The following MYT1L variants were observed in gnomAD, a reference collection of about 807,000 sequenced individuals.
MYT1L encodes the protein myelin transcription factor 1 like.
A neutral mutation model predicts 126.7 loss-of-function variants in MYT1L; 12 were observed. That is an observed-to-expected ratio of 0.09 (90% CI 0.06 to 0.15). MYT1L has a LOEUF of 0.15. Ranked by LOEUF, MYT1L falls within the 10% of genes least tolerant of loss-of-function variation. MYT1L has a pLI of 1.00. For synonymous variants in MYT1L, 541 were observed against 604.2 expected (o/e 0.90, Z 1.53); for missense variants, 979 against 1,585.2 (o/e 0.62, Z 6.49).
chr2:2,277,925 A>G (rs902227129), intron 2 of MYT1L, among the ~76,000 whole-genome samples: 6 of 152,230 alleles, frequency 3.9e-5, no homozygotes, highest in Non-Finnish European at 7.3e-5. Flanking sequence ...TTCTTTGAAT[A>G]TCTTTAGAAA....
chr2:2,165,267 C>T (rs567190923), intron 3 of MYT1L, among the ~76,000 whole-genome samples: 6 of 152,040 alleles, frequency 3.9e-5, no homozygotes, highest in African/African-American at 7.2e-5. Flanking sequence ...ACACCAAGTA[C>T]GGGTGGGGTA....
intron 3 of MYT1L, among the ~76,000 whole-genome samples, chr2:2,146,854 A>G (rs2084957083): frequency 1.3e-5 from 2 of 152,294 alleles, no homozygotes; most frequent in Admixed American, 1.3e-4. Flanking sequence ...AACTCCAGGC[A>G]ATGTCTTGTG....
intron 3 of MYT1L, among the ~76,000 whole-genome samples, chr2:2,171,730 T>A (rs983564284): frequency 6.6e-6 from 1 of 152,064 alleles, no homozygotes. Flanking sequence ...GGAAAATGAA[T>A]AGGGTATAGA....
At chr2:2,295,066 T>G (rs149889035) in intron 1 of MYT1L, among the ~76,000 whole-genome samples, 8 of 152,220 alleles carry the variant, frequency 5.3e-5, no homozygotes, top group Non-Finnish European at 1.2e-4. Flanking sequence ...TTAGGAGAGA[T>G]GCTGGATGGT....
At chr2:2,039,762 T>C (rs1003591946) in intron 4 of MYT1L, among the ~76,000 whole-genome samples, 17 of 152,190 alleles carry the variant, frequency 1.1e-4, no homozygotes, top group South Asian at 2.1e-4. Context: ...AGCCCGCTCA[T>C]GCTTCCTCCA....
intron 3 of MYT1L, among the ~76,000 whole-genome samples, chr2:2,136,500 C>A (rs1037316264): frequency 2.0e-5 from 3 of 152,190 alleles, no homozygotes; most frequent in Admixed American, 2.0e-4. Context: ...TTATTTCTCT[C>A]CCTTCCCTCG....
intron 3 of MYT1L, among the ~76,000 whole-genome samples, chr2:2,102,604 ATG>A (rs3047992): frequency 0.16 from 22,405 of 142,634 alleles, 1,692 homozygotes; most frequent in Admixed American, 0.2. Flanking sequence ...CCTCTTGGGA[ATG>A]TGTGTGTGTG....
intron 2 of MYT1L, among the ~76,000 whole-genome samples, chr2:2,195,540 G>C (rs1191666639): frequency 2.0e-5 from 3 of 152,092 alleles, no homozygotes; most frequent in Non-Finnish European, 4.4e-5. Flanking sequence ...TGAAATTCAA[G>C]CAAAATGAAA....
chr2:1,846,509 G>A lies in MYT1L; in HGVS notation c.2774+5132C>T, dbSNP rs570339205. The stretch of plus-strand genomic sequence containing the variant: ...GTTCTCTGGGGGAGGGAAAGGCTGG[G>A]GGTGAGCACACGGACAGAGCATACG... On this transcript the variant is annotated intron_variant, in intron 19 of 24. Coordinates refer to ENST00000647738, the MANE Select transcript of MYT1L (RefSeq NM_001303052.2). Among the ~76,000 whole-genome samples, 4 of 152,288 alleles carry A rather than the reference G, an allele frequency of 2.6e-5. No homozygotes were observed. In the South Asian group the frequency reaches 8.3e-4, roughly 32 times the overall value.
intron 1 of MYT1L, among the ~76,000 whole-genome samples, chr2:2,311,202 C>G (rs900395091): frequency 2.0e-5 from 3 of 152,166 alleles, no homozygotes; most frequent in Non-Finnish European, 4.4e-5. Flanking sequence ...ACATAAGAGT[C>G]AGAAAAGGAG....
intron 2 of MYT1L, among the ~76,000 whole-genome samples, chr2:2,180,998 G>C (rs1222269720): frequency 6.6e-6 from 1 of 151,440 alleles, no homozygotes; most frequent in Non-Finnish European, 1.5e-5. Flanking sequence ...GTGTGCTTGT[G>C]TATGTACCTG....
At chr2:1,809,032 G>T (rs753746636) in intron 22 of MYT1L, 44 bp downstream of exon 22, 1 of 1,578,756 alleles carries the variant, frequency 6.3e-7, no homozygotes. Flanking sequence ...TGCCCGCTGG[G>T]CCTTCCTGAC....
intron 8 of MYT1L, among the ~76,000 whole-genome samples, chr2:1,968,222 T>C (rs1481561591): frequency 6.6e-6 from 1 of 152,166 alleles, no homozygotes; most frequent in East Asian, 1.9e-4. Context: ...TGACGATAAA[T>C]GCAGCCATTA....
intron 3 of MYT1L, among the ~76,000 whole-genome samples, chr2:2,088,942 C>T (rs1175604215): frequency 6.6e-6 from 1 of 150,500 alleles, no homozygotes; most frequent in Non-Finnish European, 1.5e-5. Context: ...CTGCTTTTTG[C>T]TTTTTTAAAA....
At chr2:2,122,365 C>T (rs1383732758) in intron 3 of MYT1L, among the ~76,000 whole-genome samples, 2 of 152,136 alleles carry the variant, frequency 1.3e-5, no homozygotes, top group Non-Finnish European at 2.9e-5. Flanking sequence ...CTGATGGATA[C>T]GAGGTGCTCA....
intron 18 of MYT1L, among the ~76,000 whole-genome samples, chr2:1,876,489 C>G (rs886550761): frequency 6.6e-6 from 1 of 152,138 alleles, no homozygotes; most frequent in South Asian, 2.1e-4. Flanking sequence ...CCCTGACCCC[C>G]CCGTCCATCT....
intron 3 of MYT1L, among the ~76,000 whole-genome samples, chr2:2,123,535 G>C (rs957283728): frequency 2.0e-5 from 3 of 152,062 alleles, no homozygotes; most frequent in African/African-American, 7.2e-5. Flanking sequence ...GCAAGACCTG[G>C]TTGTTTAAAA....
At position 1,790,824 on chromosome 2, in the gene MYT1L, A is replaced by G. The variant is rs1437308613; in HGVS notation, c.*1043T>C. ...AATGTAAAATAAGAAGGTTCATAAC[A>G]ATAATAGGAATAATCATAATTTTTT... is the stretch of plus-strand genomic sequence containing the variant. On this transcript the variant is annotated 3_prime_UTR_variant, in exon 25 of 25. Transcript: ENST00000647738. 3 of 159,550 alleles carry G rather than the reference A, an allele frequency of 1.9e-5. No homozygotes were observed. The highest frequency in any genetic ancestry group is 7.2e-5 in the African/African-American group (3 of 41,538). The allele number at this position is 159,550 out of a possible 1,614,324, so 9.9% of individuals were successfully genotyped here.
chr2:1,978,579 C>G (rs1337599627), intron 8 of MYT1L, among the ~76,000 whole-genome samples: 1 of 152,168 alleles, frequency 6.6e-6, no homozygotes, highest in African/African-American at 2.4e-5. Flanking sequence ...CCATCCCTGT[C>G]GCAGACCTGA....
Sources: gnomAD v4.1 joint callset for allele counts (sites outside exome capture counted in the v4.1 genomes callset) on GRCh38, gnomAD v4.1.1 for gene constraint, MANE v1.5 for transcripts, NCBI Gene and HGNC (gene_info 2026-07-23, HGNC 2026-07-21) for gene names.